CTNNA3: variants seen among roughly 807,000 people sequenced by gnomAD.
CTNNA3 encodes catenin alpha 3, also known as catenin alpha-3.
CTNNA3 carries 76 observed loss-of-function variants against 95.7 expected under a neutral mutation model. The ratio of observed to expected loss-of-function variants is 0.79; its 90% confidence interval spans 0.66 to 0.96. The LOEUF (loss-of-function observed/expected upper bound fraction) is 0.96. Ranked by LOEUF, CTNNA3 falls within the 40% of genes least tolerant of loss-of-function variation. CTNNA3 has a pLI of 0.00. For synonymous variants in CTNNA3, 431 were observed against 374.4 expected, an observed-to-expected ratio of 1.15 and a Z score of -1.74; for missense variants, 1,191 against 1,089.8, an observed-to-expected ratio of 1.09 and a Z score of -1.31.
chr10:67,095,018 T>C lies in CTNNA3; in HGVS notation c.1047+85299A>G, dbSNP rs367780818. On this transcript the variant is annotated intron_variant, in intron 7 of 17. Transcript: ENST00000433211. ...GTAATTGGCTTTAAGTTTATACATA[T>C]ATGTGTATATACATATATGTTTATA... Among the ~76,000 whole-genome samples the C allele has an allele frequency of 2.0e-5, 3 of 149,484 alleles. No individual in the cohort carries two copies. The East Asian group carries it at 5.9e-4, about 29-fold the overall frequency.
At chr10:67,759,252 A>G (rs928049076) in intron 1 of CTNNA3, among the ~76,000 whole-genome samples, 2 of 152,170 alleles carry the variant, frequency 1.3e-5, no homozygotes, top group African/African-American at 4.8e-5. Context: ...TCTTTGTCCA[A>G]TTTGTACTAA....
intron 9 of CTNNA3, among the ~76,000 whole-genome samples, chr10:66,741,187 AG>A (rs1264050760): frequency 6.6e-6 from 1 of 152,204 alleles, no homozygotes; most frequent in Non-Finnish European, 1.5e-5. Context: ...GTGCAGATAA[AG>A]GAAGTCTTCT....
intron 5 of CTNNA3, among the ~76,000 whole-genome samples, chr10:67,494,496 C>G (rs1162974933): frequency 6.6e-6 from 1 of 152,168 alleles, no homozygotes; most frequent in African/African-American, 2.4e-5. Flanking sequence ...CAGCAGCTAC[C>G]TACCAGTCAG....
chr10:66,389,965 G>A (rs1005998571), intron 11 of CTNNA3, among the ~76,000 whole-genome samples: 5 of 152,014 alleles, frequency 3.3e-5, no homozygotes, highest in Admixed American at 2.6e-4. Flanking sequence ...CGACCTCCTC[G>A]CCTCAAGCGA....
chr10:66,576,302 G>A (rs2132179601), intron 10 of CTNNA3, among the ~76,000 whole-genome samples: 1 of 152,148 alleles, frequency 6.6e-6, no homozygotes, highest in African/African-American at 2.4e-5. Flanking sequence ...AAACATCCCA[G>A]CTGGTTTTTT....
chr10:66,135,453 T>C (rs7916277), intron 13 of CTNNA3, among the ~76,000 whole-genome samples: 26,600 of 152,186 alleles, frequency 0.17, 2,772 homozygotes, highest in South Asian at 0.4. Flanking sequence ...ATGTATTAAA[T>C]CATTTCATCA....
intron 7 of CTNNA3, among the ~76,000 whole-genome samples, chr10:66,787,468 T>G (rs73310838): frequency 0.24 from 36,415 of 152,012 alleles, 4,990 homozygotes; most frequent in African/African-American, 0.38. Flanking sequence ...CAGCTTTATC[T>G]CTATTGGGCT....
At chr10:67,563,211 G>C (rs2133265302) in intron 3 of CTNNA3, among the ~76,000 whole-genome samples, 2 of 152,250 alleles carry the variant, frequency 1.3e-5, no homozygotes, top group East Asian at 3.9e-4. Flanking sequence ...AACAAAGCTG[G>C]AGGCATCACA....
intron 13 of CTNNA3, among the ~76,000 whole-genome samples, chr10:66,219,038 G>A (rs892578357): frequency 1.3e-5 from 2 of 152,174 alleles, no homozygotes; most frequent in Non-Finnish European, 2.9e-5. Flanking sequence ...ACCTTCGTAT[G>A]TTGGTTATGT....
intron 3 of CTNNA3, among the ~76,000 whole-genome samples, chr10:67,588,315 G>A (rs1342237738): frequency 6.6e-6 from 1 of 151,066 alleles, no homozygotes; most frequent in African/African-American, 2.4e-5. Flanking sequence ...CACATCTGGT[G>A]TAACCGTTGT....
chr10:67,274,567 C>G (rs1839112441), intron 5 of CTNNA3, among the ~76,000 whole-genome samples: 1 of 152,126 alleles, frequency 6.6e-6, no homozygotes, highest in Non-Finnish European at 1.5e-5. Context: ...GTGGCTCACA[C>G]CTGTAATCAT....
At chr10:66,186,165 T>C (rs960000918) in intron 13 of CTNNA3, among the ~76,000 whole-genome samples, 2 of 152,012 alleles carry the variant, frequency 1.3e-5, no homozygotes, top group African/African-American at 4.8e-5. Context: ...TTTGAGGCAA[T>C]GGATATGCTA....
At chr10:67,663,811 A>G (rs1399296430) in intron 1 of CTNNA3, among the ~76,000 whole-genome samples, 2 of 152,130 alleles carry the variant, frequency 1.3e-5, no homozygotes, top group Non-Finnish European at 2.9e-5. Context: ...GTCTTTTTTC[A>G]ATTCTGCTCT....
chr10:67,668,828 G>GT (rs1840376805), intron 1 of CTNNA3, among the ~76,000 whole-genome samples: 2 of 131,278 alleles, frequency 1.5e-5, no homozygotes, highest in East Asian at 2.7e-4. Context: ...GGCCTACTGT[G>GT]TTTCTTTTTT....
At chr10:66,150,673 T>C (rs914966385) in intron 13 of CTNNA3, among the ~76,000 whole-genome samples, 4 of 151,962 alleles carry the variant, frequency 2.6e-5, no homozygotes, top group African/African-American at 9.7e-5. Context: ...TTTTGAAATA[T>C]ATAATAGATT....
At chr10:66,921,275 C>A (rs1332481772) in intron 7 of CTNNA3, among the ~76,000 whole-genome samples, 1 of 152,128 alleles carries the variant, frequency 6.6e-6, no homozygotes, top group Non-Finnish European at 1.5e-5. Context: ...CTAATTACCT[C>A]ACAAATGCTC....
intron 5 of CTNNA3, among the ~76,000 whole-genome samples, chr10:67,501,320 G>T (rs1432442344): frequency 6.6e-6 from 1 of 152,188 alleles, no homozygotes; most frequent in East Asian, 1.9e-4. Flanking sequence ...TAGGGTTTCT[G>T]CAGAGAGATC....
chr10:67,445,725 G>A (rs561894245), intron 5 of CTNNA3, among the ~76,000 whole-genome samples: 1 of 152,064 alleles, frequency 6.6e-6, no homozygotes, highest in Admixed American at 6.6e-5. Flanking sequence ...AGTTTAAGCA[G>A]GTATTCTTTG....
chr10:67,567,887 C>T (rs971937831), intron 3 of CTNNA3, among the ~76,000 whole-genome samples: 39 of 152,122 alleles, frequency 2.6e-4, no homozygotes, highest in African/African-American at 7.7e-4. Flanking sequence ...TATAGCTCTC[C>T]TTCCTAAATA....
Sources: allele counts gnomAD v4.1 joint callset (sites outside exome capture counted in the v4.1 genomes callset), GRCh38; gene constraint gnomAD v4.1.1; transcripts MANE v1.5; gene names NCBI Gene and HGNC (gene_info 2026-07-23, HGNC 2026-07-21).